PRDM13: variants seen among roughly 807,000 people sequenced by gnomAD.
PRDM13 encodes PR/SET domain 13.
A neutral mutation model predicts 36.4 loss-of-function variants in PRDM13; 15 were observed. The ratio of observed to expected loss-of-function variants is 0.41; its 90% CI spans 0.28 to 0.64. The LOEUF (loss-of-function observed/expected upper bound fraction) is 0.64. Among genes scored for constraint, PRDM13 ranks in the 30% least tolerant of loss-of-function variants. PRDM13 has a pLI of 0.29. For missense variants in PRDM13, 1,044 were observed against 1,013.5 expected, an observed-to-expected ratio of 1.03 and a Z score of -0.41; for synonymous variants, 531 against 467.7, an observed-to-expected ratio of 1.14 and a Z score of -1.75.
At position 99,613,291 on chromosome 6, in the gene PRDM13, A is replaced by T. The variant is rs1431436682; in HGVS notation, c.656A>T (p.Gln219Leu). The change falls in exon 4 of 4, where the codon CAG becomes CTG. Residue 219 changes from glutamine (Q) to leucine (L), a missense_variant. This residue lies in a region of PRDM13 where 921 missense variants were observed against 865.2 expected (regional missense o/e 1.06). Coordinates refer to ENST00000369215, the MANE Select transcript of PRDM13 (RefSeq NM_021620.4). The surrounding 1 kb of genome is among the most constrained non-coding windows in gnomAD (Gnocchi z 6.1). Reference sequence around the variant, plus strand: ...CACCCCCTGGGCCCGCCACCAGTTCAGGCCTGCGGTGCGCGGGAGGGCATC... The same window carrying T: ...CACCCCCTGGGCCCGCCACCAGTTCTGGCCTGCGGTGCGCGGGAGGGCATC... ...RPHPLGPPPV[Q>L]ACGAREGIKR... 1 of 1,583,034 alleles carries T rather than the reference A, an allele frequency of 6.3e-7. No homozygotes were observed. The highest frequency in any genetic ancestry group is 1.3e-5 in the African/African-American group (1 of 74,266).
Position 99,614,541 on chromosome 6 carries a change from G to C in PRDM13, c.1906G>C (p.Gly636Arg). 3.7e-6 allele frequency: 6 copies of C among 1,613,058 alleles called. No individual in the cohort carries two copies. The highest frequency in any genetic ancestry group is 5.1e-6 in the Non-Finnish European group (6 of 1,179,962). Reference protein sequence around the residue: ...GNTPYRCEFCGKVLVRRRDLE... With the variant: ...GNTPYRCEFCRKVLVRRRDLE... ...TACGCCCTACCGCTGCGAGTTCTGC[G>C]GCAAGGTACTTGTGCGCCGCCGGGA... is the stretch of plus-strand genomic sequence containing the variant. Residue 636 changes from glycine to arginine, a missense_variant, in exon 4 of 4, where the codon GGC (glycine) becomes CGC (arginine). By Grantham distance (125) the Gly-to-Arg change is moderately radical (BLOSUM62 -2). Transcript: ENST00000369215.
In PRDM13 at chr6:99,614,680, A is replaced by C; in HGVS notation, c.2045A>C (p.Asp682Ala). ...CCGGAGCCTGGGGATCCCAAGAGCGACGACAGTGACGTGGACGTCTGCTTC... is the reference window on the plus strand; with the variant it reads ...CCGGAGCCTGGGGATCCCAAGAGCGCCGACAGTGACGTGGACGTCTGCTTC... The part of the protein sequence containing the change: ...YPPEPGDPKS[D>A]DSDVDVCFTD... The change falls in exon 4 of 4, where the codon GAC becomes GCC. Residue 682 changes from aspartate (D) to alanine (A), a missense_variant. Transcript: ENST00000369215. The C allele has an allele frequency of 6.2e-7, 1 of 1,610,972 alleles. No homozygotes were observed. Among genetic ancestry groups the C allele is most frequent in the Non-Finnish European group, 8.5e-7 (1 of 1,178,916 alleles).
intron 3 of PRDM13, among the ~76,000 whole-genome samples, chr6:99,610,733 C>T (rs1770018123): frequency 1.3e-5 from 2 of 152,224 alleles, no homozygotes; most frequent in Admixed American, 1.3e-4. Context: ...ATAAAAGCCA[C>T]ATAGTGGAGA....
In PRDM13 at chr6:99,614,431, A is replaced by G; in HGVS notation, c.1796A>G (p.Lys599Arg). The change falls in exon 4 of 4, where the codon AAG becomes AGG. Residue 599 changes from lysine (K) to arginine (R), a missense_variant. Around this residue, in one of 3 missense-constraint regions of PRDM13, gnomAD observed 921 missense variants for 865.2 expected, o/e 1.06. Coordinates refer to ENST00000369215, the MANE Select transcript of PRDM13 (RefSeq NM_021620.4). Reference protein sequence around the residue: ...KIHMRTHTGYKPLKCKVCLRP... With the variant: ...KIHMRTHTGYRPLKCKVCLRP... Reference sequence around the variant, plus strand: ...CACATGCGGACGCACACGGGCTACAAGCCACTCAAGTGCAAAGTCTGTCTG... The same window carrying G: ...CACATGCGGACGCACACGGGCTACAGGCCACTCAAGTGCAAAGTCTGTCTG... 6.2e-7 allele frequency: 1 copy of G among 1,613,626 alleles called. No individual in the cohort carries two copies.
In PRDM13 at chr6:99,614,163, G is replaced by C. The variant is rs1212085337; in HGVS notation, c.1528G>C (p.Ala510Pro). The change falls in exon 4 of 4, where the codon GCC becomes CCC. Residue 510 changes from alanine to proline, a missense_variant. Physicochemically the swap from Ala to Pro is conservative, Grantham distance 27. Around this residue, in one of 3 missense-constraint regions of PRDM13, gnomAD observed 921 missense variants for 865.2 expected, o/e 1.06. Transcript: ENST00000369215. The part of the protein sequence containing the change: ...SGPAAAALSP[A>P]ELGSLASIDR... ...GCCTGCAGCGGCCGCCCTAAGCCCCGCCGAGCTGGGGTCGCTGGCCAGCAT... is the reference window on the plus strand; with the variant it reads ...GCCTGCAGCGGCCGCCCTAAGCCCCCCCGAGCTGGGGTCGCTGGCCAGCAT... 5 of 1,600,934 alleles carry C rather than the reference G, an allele frequency of 3.1e-6. No individual in the cohort carries two copies. In the African/African-American group the frequency reaches 6.7e-5, roughly 21 times the overall value.
intron 1 of PRDM13, among the ~76,000 whole-genome samples, chr6:99,607,422 G>T (rs1233954197): frequency 6.6e-6 from 1 of 152,128 alleles, no homozygotes; most frequent in Non-Finnish European, 1.5e-5. Context: ...TGCACTGAGC[G>T]CTGTAGGTGC....
At position 99,614,047 on chromosome 6, in the gene PRDM13, A is replaced by G. The variant is rs1378157467; in HGVS notation, c.1412A>G (p.Tyr471Cys). The G allele has an allele frequency of 6.2e-7, 1 of 1,609,234 alleles. No individual in the cohort carries two copies. Among genetic ancestry groups the G allele is most frequent in the Non-Finnish European group, 8.5e-7 (1 of 1,178,622 alleles). The change falls in exon 4 of 4, where the codon TAC (tyrosine) becomes TGC (cysteine). Residue 471 changes from tyrosine to cysteine, a missense_variant. By Grantham distance (194) the Tyr-to-Cys change is radical. Transcript: ENST00000369215. The stretch of plus-strand genomic sequence containing the variant: ...ACAGTCTACAACGGGGAGCTGCTCT[A>G]CGGCTCACCGGCCACCACCGCTTAT... The part of the protein sequence containing the change: ...AFTVYNGELL[Y>C]GSPATTAYYP...
At position 99,607,081 on chromosome 6, in the gene PRDM13, G is replaced by A. The variant is rs1171363994; in HGVS notation, c.47G>A (p.Cys16Tyr). 6.2e-7 allele frequency: 1 copy of A among 1,613,450 alleles called. No individual in the cohort carries two copies. Among genetic ancestry groups the A allele is most frequent in the Non-Finnish European group, 8.5e-7 (1 of 1,179,902 alleles). The part of the protein sequence containing the change: ...RAPATSVSAD[C>Y]CIPAGLRLGP... ...CCAGCCACCAGCGTGAGTGCCGACT[G>A]CTGCATCCCGGCCGGCTTGCGCCTC... Residue 16 changes from cysteine to tyrosine, a missense_variant, in exon 1 of 4, where the codon TGC (cysteine) becomes TAC (tyrosine). Physicochemically the swap from Cys to Tyr is radical, Grantham distance 194. Transcript: ENST00000369215.
At chr6:99,608,897 C>A (rs754508298) in intron 2 of PRDM13, 25 bp downstream of exon 2, 1 of 1,597,662 alleles carries the variant, frequency 6.3e-7, no homozygotes, top group Non-Finnish European at 8.5e-7. Flanking sequence ...TCTCCACACC[C>A]CCCCACTCCC....
chr6:99,609,607 T>C (rs1198005045), intron 3 of PRDM13, among the ~76,000 whole-genome samples: 1 of 152,098 alleles, frequency 6.6e-6, no homozygotes, highest in Non-Finnish European at 1.5e-5. Context: ...TAAAAAAAAT[T>C]AGGCGCGGTA....
In PRDM13 at chr6:99,614,780, C is replaced by G; in HGVS notation, c.*21C>G. 1 of 1,551,252 alleles carries G rather than the reference C, an allele frequency of 6.4e-7. No homozygotes were observed. Among genetic ancestry groups the G allele is most frequent in the Non-Finnish European group, 8.7e-7 (1 of 1,150,786 alleles). On this transcript the variant is annotated 3_prime_UTR_variant, in exon 4 of 4. Coordinates refer to ENST00000369215, the MANE Select transcript of PRDM13 (RefSeq NM_021620.4). Reference sequence around the variant, plus strand: ...TGTAACGAGTCTTCCCGGGAAGGGGCGGGGTGAGGACAGAGAGGAGTCGAG... The same window carrying G: ...TGTAACGAGTCTTCCCGGGAAGGGGGGGGGTGAGGACAGAGAGGAGTCGAG...
Position 99,613,178 on chromosome 6 carries a change from C to G in PRDM13, c.543C>G (p.Ala181=). 6.2e-7 allele frequency: 1 copy of G among 1,612,740 alleles called. No individual in the cohort carries two copies. Among genetic ancestry groups the G allele is most frequent in the Non-Finnish European group, 8.5e-7 (1 of 1,179,840 alleles). ...ACGAACACGCGGCTCGCCAAGGCGCCGTCCCAGCGGCTGATGGCCTCGGTC... is the reference window on the plus strand; with the variant it reads ...ACGAACACGCGGCTCGCCAAGGCGCGGTCCCAGCGGCTGATGGCCTCGGTC... ...LHHEHAARQG[A]VPAADGLGLS... is the part of the protein sequence containing the mutation. Residue 181 remains alanine (A), a synonymous_variant, in exon 4 of 4, where the codon GCC becomes GCG. Coordinates refer to ENST00000369215, the MANE Select transcript of PRDM13 (RefSeq NM_021620.4). This position sits in a 1 kb window ranked among gnomAD's most constrained non-coding sequence, Gnocchi z 6.1.
At chr6:99,608,899 C>G (rs767168124) in intron 2 of PRDM13, 27 bp downstream of exon 2, 8 of 1,597,074 alleles carry the variant, frequency 5.0e-6, no homozygotes, top group Admixed American at 1.7e-5. Context: ...TCCACACCCC[C>G]CCACTCCCCA....
At chr6:99,607,890 C>T (rs934234731) in intron 1 of PRDM13, among the ~76,000 whole-genome samples, 4 of 152,216 alleles carry the variant, frequency 2.6e-5, no homozygotes, top group Non-Finnish European at 4.4e-5. Flanking sequence ...AGCTTTGACT[C>T]CCACACTCCA....
intron 3 of PRDM13, among the ~76,000 whole-genome samples, chr6:99,610,862 G>T (rs1004786861): frequency 6.6e-6 from 1 of 152,156 alleles, no homozygotes; most frequent in East Asian, 1.9e-4. Flanking sequence ...CTGGAATAGC[G>T]GTCCTTGTGT....
rs1270433304 is a variant in PRDM13, at chr6:99,614,151, G to C, written c.1516G>C (p.Ala506Pro). The C allele has an allele frequency of 6.3e-7, 1 of 1,598,236 alleles. No homozygotes were observed. Among genetic ancestry groups the C allele is most frequent in the Non-Finnish European group, 8.5e-7 (1 of 1,174,522 alleles). ...CTACTTCAGCGGGCCTGCAGCGGCC[G>C]CCCTAAGCCCCGCCGAGCTGGGGTC... Reference protein sequence around the residue: ...ISYFSGPAAAALSPAELGSLA... With the variant: ...ISYFSGPAAAPLSPAELGSLA... The change falls in exon 4 of 4, where the codon GCC becomes CCC. Residue 506 changes from alanine to proline, a missense_variant. Physicochemically the swap from Ala to Pro is conservative, Grantham distance 27. Transcript: ENST00000369215.
At position 99,613,627 on chromosome 6, in the gene PRDM13, G is replaced by A. The variant is rs544839719; in HGVS notation, c.992G>A (p.Gly331Asp). ...GAGLALGRLLGGGRACGRPGS... is the reference protein window; with the variant it reads ...GAGLALGRLLDGGRACGRPGS... ...GGCCTCGCTTTGGGCAGGCTGCTGG[G>A]CGGGGGCCGGGCGTGCGGGCGCCCC... The change falls in exon 4 of 4, where the codon GGC becomes GAC. Residue 331 changes from glycine (G) to aspartate (D), a missense_variant. Gly to Asp is a moderately conservative substitution (Grantham distance 94). Coordinates refer to ENST00000369215, the MANE Select transcript of PRDM13 (RefSeq NM_021620.4). The surrounding 1 kb of genome is among the most constrained non-coding windows in gnomAD (Gnocchi z 6.1). 1.2e-4 allele frequency: 177 copies of A among 1,457,032 alleles called. 1 individual carries two copies. The East Asian group carries it at 5.0e-3, about 41-fold the overall frequency. The allele number at this position is 1,457,032 out of a possible 1,614,324, so 90.3% of individuals were successfully genotyped here. A position where few individuals can be genotyped will look rare whatever the true frequency, so the allele number is the denominator to read the frequency against.
At position 99,613,675 on chromosome 6, in the gene PRDM13, C is replaced by T; in HGVS notation, c.1040C>T (p.Ala347Val). ...GRPGSGENSA[A>V]GGAGHHHHHH... ...CCCGGGAGCGGGGAGAACTCGGCGG[C>T]GGGCGGCGCGGGTCACCACCATCAC... Residue 347 changes from alanine (A) to valine (V), a missense_variant, in exon 4 of 4, where the codon GCG becomes GTG. Coordinates refer to ENST00000369215, the MANE Select transcript of PRDM13 (RefSeq NM_021620.4). This position sits in a 1 kb window ranked among gnomAD's most constrained non-coding sequence, Gnocchi z 6.1. The T allele has an allele frequency of 2.1e-6, 3 of 1,411,320 alleles. No homozygotes were observed. The highest frequency in any genetic ancestry group is 1.5e-5 in the South Asian group (1 of 66,252). 87.4% of individuals were successfully genotyped at this position (1,411,320 alleles called of 1,614,324 possible).
In PRDM13 at chr6:99,613,739, C is replaced by T. The variant is rs765634189; in HGVS notation, c.1104C>T (p.Leu368=). 112 of 1,475,840 alleles carry T rather than the reference C, an allele frequency of 7.6e-5. No individual in the cohort carries two copies. In the African/African-American group the frequency reaches 8.5e-4, roughly 11 times the overall value. The allele number at this position is 1,475,840 out of a possible 1,614,324, so 91.4% of individuals were successfully genotyped here. A position where few individuals can be genotyped will look rare whatever the true frequency, so the allele number is the denominator to read the frequency against. The change falls in exon 4 of 4, where the codon CTC becomes CTT. Residue 368 remains leucine (L), a synonymous_variant. Coordinates refer to ENST00000369215, the MANE Select transcript of PRDM13 (RefSeq NM_021620.4). The surrounding 1 kb of genome is among the most constrained non-coding windows in gnomAD (Gnocchi z 6.1). ...ACCACCACCATCCCAAGTGCCTGCT[C>T]GCTGGGGACCCGCCGCCGCCGCCGC... ...AHHHHHPKCL[L]AGDPPPPPPP...
Sources: gnomAD v4.1 joint callset for allele counts (sites outside exome capture counted in the v4.1 genomes callset) on GRCh38, gnomAD v4.1.1 for gene constraint, gnomAD v4.1.1 regional missense constraint, Gnocchi (gnomAD v3.1) non-coding constraint, MANE v1.5 for transcripts, NCBI Gene and HGNC (gene_info 2026-07-23, HGNC 2026-07-21) for gene names.